Variants in MORN4 observed in about 807,000 individuals in gnomAD.
MORN4 encodes the protein MORN repeat containing 4.
Under a neutral mutation model 16.4 loss-of-function variants are expected in MORN4, and 8 were observed. The ratio of observed to expected loss-of-function variants is 0.49; its 90% CI spans 0.29 to 0.88. The LOEUF (loss-of-function observed/expected upper bound fraction) is 0.88. Ranked by LOEUF, MORN4 falls within the 40% of genes least tolerant of loss-of-function variation. The pLI, the probability that MORN4 is intolerant of heterozygous loss-of-function variation, is 0.09. For synonymous variants in MORN4, 53 were observed against 68.9 expected (o/e 0.77, Z 1.14); for missense variants, 159 against 182.9 (o/e 0.87, Z 0.75).
At chr10:97,634,098 C>G (rs1163566461), upstream of MORN4, among the ~76,000 whole-genome samples, 4 of 152,058 alleles carry the variant, frequency 2.6e-5, no homozygotes, top group Admixed American at 1.3e-4. Flanking sequence ...CCCAAGAGTT[C>G]TAGATCAGCC....
chr10:97,632,417 C>G (rs2041404527), intron 1 of MORN4, among the ~76,000 whole-genome samples: 1 of 151,942 alleles, frequency 6.6e-6, no homozygotes, highest in African/African-American at 2.4e-5. Context: ...CGAGGTTTCA[C>G]CATCTTGGCC....
intron 1 of MORN4, among the ~76,000 whole-genome samples, chr10:97,626,398 C>A (rs201302509): frequency 8.2e-3 from 121 of 14,814 alleles, no homozygotes; most frequent in Middle Eastern, 0.042. Flanking sequence ...TAATAATAAT[C>A]ATAATCATAA....
intron 1 of MORN4, among the ~76,000 whole-genome samples, chr10:97,632,922 A>G (rs541128438): frequency 6.6e-6 from 1 of 152,234 alleles, no homozygotes; most frequent in Non-Finnish European, 1.5e-5. Context: ...CCAGGCTTCC[A>G]TATGTGGGAG....
At chr10:97,624,989 G>A (rs541138589) in intron 1 of MORN4, among the ~76,000 whole-genome samples, 7 of 152,280 alleles carry the variant, frequency 4.6e-5, no homozygotes, top group Non-Finnish European at 8.8e-5. Context: ...CACCGCACAC[G>A]GCATGAGCAT....
chr10:97,626,026 C>A, intron 1 of MORN4, among the ~76,000 whole-genome samples: 1 of 150,866 alleles, frequency 6.6e-6, no homozygotes, highest in East Asian at 1.9e-4. Flanking sequence ...TCCGAAAGTG[C>A]TAGGATTATA....
intron 1 of MORN4, 23 bp from the exon 2 acceptor site, chr10:97,619,706 A>G: frequency 6.3e-7 from 1 of 1,584,532 alleles, no homozygotes; most frequent in Non-Finnish European, 8.7e-7. Context: ...AGCAAAGGAG[A>G]ACCAGTGTCA....
chr10:97,625,183 G>A (rs1219113554), intron 1 of MORN4, among the ~76,000 whole-genome samples: 10 of 152,194 alleles, frequency 6.6e-5, no homozygotes, highest in Admixed American at 4.6e-4. Context: ...AGCTGGCCTT[G>A]CTGGCACAAG....
intron 1 of MORN4, among the ~76,000 whole-genome samples, chr10:97,628,866 G>A (rs927268349): frequency 7.2e-5 from 11 of 152,108 alleles, no homozygotes; most frequent in African/African-American, 2.2e-4. Flanking sequence ...TTAGCTCTTG[G>A]GGATTATACC....
At chr10:97,619,230 C>T (rs984661221) in intron 2 of MORN4, among the ~76,000 whole-genome samples, 8 of 152,098 alleles carry the variant, frequency 5.3e-5, no homozygotes, top group African/African-American at 1.7e-4. Flanking sequence ...GAGGCTGAGG[C>T]ACGAGAATCG....
chr10:97,616,619 T>C (rs1383625658), intron 4 of MORN4, 59 bp downstream of exon 4: 6 of 1,403,260 alleles, frequency 4.3e-6, no homozygotes, highest in East Asian at 4.6e-5. Flanking sequence ...ACTAAACAGG[T>C]ATATTTCCAC....
In MORN4 at chr10:97,633,422, C is replaced by T. The variant is rs1169018731; in HGVS notation, c.-106G>A. On this transcript the variant is annotated 5_prime_UTR_variant, in exon 1 of 5. Coordinates refer to ENST00000307450, the MANE Select transcript of MORN4 (RefSeq NM_178832.4). The surrounding 1 kb of genome is among the most constrained non-coding windows in gnomAD (Gnocchi z 4.5). Reference sequence around the variant, plus strand: ...CGCCTCGGACTTTTCCTCTGATGGGCTCCCGGCTGCCACCTTGCTCTCCGC... The same window carrying T: ...CGCCTCGGACTTTTCCTCTGATGGGTTCCCGGCTGCCACCTTGCTCTCCGC... 7.8e-7 allele frequency: 1 copy of T among 1,289,790 alleles called. No homozygotes were observed. The highest frequency in any genetic ancestry group is 1.5e-5 in the African/African-American group (1 of 65,882). 79.9% of individuals were successfully genotyped at this position (1,289,790 alleles called of 1,614,324 possible).
At chr10:97,633,674 G>C, upstream of MORN4, 5 of 1,250,592 alleles carry the variant, frequency 4.0e-6, no homozygotes, top group Non-Finnish European at 4.1e-6. This position sits in a 1 kb window ranked among gnomAD's most constrained non-coding sequence, Gnocchi z 4.5. Flanking sequence ...TAAAGACAGA[G>C]GATCCAGATC....
intron 1 of MORN4, among the ~76,000 whole-genome samples, chr10:97,626,064 G>GA (rs200809598): frequency 0.017 from 2,197 of 129,458 alleles, 74 homozygotes; most frequent in African/African-American, 0.053. Flanking sequence ...CCAGCCTCAT[G>GA]CCTTTTTTTT....
At chr10:97,622,324 A>G (rs2041305039) in intron 1 of MORN4, among the ~76,000 whole-genome samples, 1 of 152,182 alleles carries the variant, frequency 6.6e-6, no homozygotes, top group Non-Finnish European at 1.5e-5. Flanking sequence ...TAGGAAAACA[A>G]TCAGTAACAT....
chr10:97,631,390 C>G (rs940246456), intron 1 of MORN4, among the ~76,000 whole-genome samples: 1 of 152,120 alleles, frequency 6.6e-6, no homozygotes, highest in Non-Finnish European at 1.5e-5. Context: ...TCCCTGTAAA[C>G]CAACACACTA....
chr10:97,617,449 G>A, intron 2 of MORN4, 127 bp from the exon 3 acceptor site: 3 of 756,276 alleles, frequency 4.0e-6, no homozygotes, highest in Admixed American at 2.1e-5. Context: ...AGTGACATTA[G>A]CAGGGCAGAG....
chr10:97,626,380 AATAATAATAATAATAATCATAATC>A (rs1013777516), intron 1 of MORN4, among the ~76,000 whole-genome samples: 1 of 27,970 alleles, frequency 3.6e-5, no homozygotes, highest in African/African-American at 1.8e-4. Flanking sequence ...CTGACTCAAA[AATAATAATAATAATAATCATAATC>A]ATAATCATAA....
rs1260470458 is a variant in MORN4 at position 97,633,365 on chromosome 10, G to A, written c.-49C>T. On this transcript the variant is annotated 5_prime_UTR_variant, in exon 1 of 5. Transcript: ENST00000307450. This position sits in a 1 kb window ranked among gnomAD's most constrained non-coding sequence, Gnocchi z 4.5. ...AGCCAACCTGGGGCCGGCCTTTCGG[G>A]ATGACCGTCACGCCTGGACGCAGGG... 6 of 1,289,850 alleles carry A rather than the reference G, an allele frequency of 4.7e-6. No individual in the cohort carries two copies. The East Asian group carries it at 2.8e-4, about 60-fold the overall frequency. The allele number at this position is 1,289,850 out of a possible 1,614,324, so 79.9% of individuals were successfully genotyped here.
chr10:97,626,796 G>C (rs1308499520), intron 1 of MORN4, among the ~76,000 whole-genome samples: 2 of 143,284 alleles, frequency 1.4e-5, no homozygotes, highest in Non-Finnish European at 3.0e-5. Flanking sequence ...TCATTCCTGT[G>C]GCCCAGGCTG....
Sources: allele counts gnomAD v4.1 joint callset (sites outside exome capture counted in the v4.1 genomes callset), GRCh38; gene constraint gnomAD v4.1.1; non-coding constraint Gnocchi (gnomAD v3.1); transcripts MANE v1.5; gene names NCBI Gene and HGNC (gene_info 2026-07-23, HGNC 2026-07-21).